Variants in DSE observed in about 807,000 individuals in gnomAD.
DSE encodes the protein dermatan-sulfate epimerase.
Under a neutral mutation model 84.4 loss-of-function variants are expected in DSE, and 36 were observed. The observed-to-expected ratio is 0.43, with a 90% CI of 0.33 to 0.56. The LOEUF is 0.56. Among genes scored for constraint, DSE ranks in the 20% least tolerant of loss-of-function variants. The probability of loss-of-function intolerance (pLI) is 0.06; values close to 1 mark genes in which losing one functional copy is unlikely to be tolerated. For missense variants in DSE, 862 were observed against 1,169.6 expected, an observed-to-expected ratio of 0.74 and a Z score of 3.84; for synonymous variants, 410 against 430.1, an observed-to-expected ratio of 0.95 and a Z score of 0.58.
intron 2 of DSE, among the ~76,000 whole-genome samples, chr6:116,361,704 T>C (rs1475839318): frequency 6.6e-6 from 1 of 152,148 alleles, no homozygotes; most frequent in East Asian, 1.9e-4. Context: ...CTCTGGCTGC[T>C]CTCCAAACTC....
intron 2 of DSE, among the ~76,000 whole-genome samples, chr6:116,292,728 A>G (rs1431798653): frequency 6.6e-6 from 1 of 152,208 alleles, no homozygotes; most frequent in Non-Finnish European, 1.5e-5. Context: ...TGGATAAATT[A>G]TGGCATGTTT....
chr6:116,303,620 G>C (rs1351752416), intron 2 of DSE, among the ~76,000 whole-genome samples: 1 of 152,132 alleles, frequency 6.6e-6, no homozygotes, highest in Non-Finnish European at 1.5e-5. Context: ...CAACAACTCA[G>C]GGCAGGAAAG....
chr6:116,424,146 A>G (rs1251775419), intron 2 of DSE, among the ~76,000 whole-genome samples: 4 of 152,220 alleles, frequency 2.6e-5, no homozygotes. Context: ...GACATGGTAC[A>G]ATGACACAAG....
rs777600484 is a variant in DSE at position 116,399,562 on chromosome 6, C to G, written c.312C>G (p.Asn104Lys). The change falls in exon 2 of 6, where the codon AAC becomes AAG. Residue 104 changes from asparagine to lysine, a missense_variant. Transcript: ENST00000644252. ...CCCGCTGGAATGAAATTTTTGGAAACAACTTGGGTGCCTTGGCAATGTTCT... is the reference window on the plus strand; with the variant it reads ...CCCGCTGGAATGAAATTTTTGGAAAGAACTTGGGTGCCTTGGCAATGTTCT... ...YSARWNEIFG[N>K]NLGALAMFCV... 6.2e-7 allele frequency: 1 copy of G among 1,614,232 alleles called. No individual in the cohort carries two copies. Among genetic ancestry groups the G allele is most frequent in the Non-Finnish European group, 8.5e-7 (1 of 1,180,048 alleles).
At chr6:116,326,717 G>T (rs1321943816) in intron 2 of DSE, among the ~76,000 whole-genome samples, 1 of 152,156 alleles carries the variant, frequency 6.6e-6, no homozygotes, top group East Asian at 1.9e-4. Context: ...GAGGTACAAA[G>T]CATGAATTTA....
chr6:116,292,389 G>A (rs1289662358), intron 2 of DSE, among the ~76,000 whole-genome samples: 1 of 152,276 alleles, frequency 6.6e-6, no homozygotes, highest in Non-Finnish European at 1.5e-5. Flanking sequence ...AAAAGTTTCC[G>A]AATTGGGCGG....
At chr6:116,359,118 T>G (rs568077497) in intron 2 of DSE, among the ~76,000 whole-genome samples, 1 of 152,188 alleles carries the variant, frequency 6.6e-6, no homozygotes, top group Non-Finnish European at 1.5e-5. Context: ...TTCTGAAACT[T>G]TAATATATAT....
At chr6:116,348,805 A>G (rs972950228) in intron 2 of DSE, among the ~76,000 whole-genome samples, 1 of 152,228 alleles carries the variant, frequency 6.6e-6, no homozygotes, top group Non-Finnish European at 1.5e-5. Flanking sequence ...ATAAAAAAGG[A>G]TGAGTTCATG....
intron 2 of DSE, among the ~76,000 whole-genome samples, chr6:116,295,172 C>G (rs1218190097): frequency 2.6e-5 from 4 of 152,062 alleles, no homozygotes; most frequent in Admixed American, 2.6e-4. Flanking sequence ...AGAAAGGACA[C>G]TTGTGCTAGG....
chr6:116,329,163 G>A (rs748335900), intron 2 of DSE, among the ~76,000 whole-genome samples: 2 of 152,144 alleles, frequency 1.3e-5, no homozygotes, highest in Admixed American at 6.6e-5. Flanking sequence ...TGCATTCTAT[G>A]TGGAAGTAAT....
chr6:116,283,771 C>T (rs1252755123), intron 2 of DSE, among the ~76,000 whole-genome samples: 1 of 152,016 alleles, frequency 6.6e-6, no homozygotes, highest in Non-Finnish European at 1.5e-5. Context: ...CTCGAATTCC[C>T]GACCTCAGGT....
chr6:116,371,987 C>G (rs1189241613), intron 1 of DSE, among the ~76,000 whole-genome samples: 2 of 152,208 alleles, frequency 1.3e-5, no homozygotes, highest in Admixed American at 6.5e-5. Flanking sequence ...TTAGGTCAGG[C>G]AATGACGCTT....
At chr6:116,256,793 T>C (rs75882975) in intron 1 of DSE, 8 of 152,224 alleles carry the variant, frequency 5.3e-5, no homozygotes, top group African/African-American at 1.9e-4. Context: ...GGATATATAA[T>C]AGTAGCTATG....
At chr6:116,348,435 CAAAA>C (rs111687814) in intron 2 of DSE, among the ~76,000 whole-genome samples, 2 of 141,876 alleles carry the variant, frequency 1.4e-5, no homozygotes, top group Admixed American at 1.4e-4. Context: ...TCAAAAAAAA[CAAAA>C]AAAAACAAAA....
At chr6:116,396,567 C>G (rs763839822) in intron 1 of DSE, among the ~76,000 whole-genome samples, 4 of 152,158 alleles carry the variant, frequency 2.6e-5, no homozygotes, top group African/African-American at 9.7e-5. Context: ...CTCCCTTGCA[C>G]GAATTCAAAG....
intron 2 of DSE, among the ~76,000 whole-genome samples, chr6:116,348,331 G>A (rs552876166): frequency 6.6e-6 from 1 of 151,974 alleles, no homozygotes; most frequent in Non-Finnish European, 1.5e-5. Flanking sequence ...GGAGGCTGAG[G>A]AAAGAGAATG....
At position 116,436,579 on chromosome 6, in the gene DSE, C is replaced by T. The variant is rs967946904; in HGVS notation, c.2111C>T (p.Thr704Ile). Residue 704 changes from threonine (T) to isoleucine (I), a missense_variant, in exon 6 of 6, where the codon ACA (threonine) becomes ATA (isoleucine). Thr to Ile is a moderately conservative substitution (Grantham distance 89). Around this residue, in one of 4 missense-constraint regions of DSE, gnomAD observed 315 missense variants for 348.1 expected, o/e 0.90. Transcript: ENST00000644252. ...ACATACCTGTGGACAGGTGAGGCCA[C>T]AGGACAGTCTGCCTTTGCACAGGTC... Reference protein sequence around the residue: ...YATYLWTGEATGQSAFAQVIA... With the variant: ...YATYLWTGEAIGQSAFAQVIA... 6.2e-7 allele frequency: 1 copy of T among 1,614,150 alleles called. No individual in the cohort carries two copies. Among genetic ancestry groups the T allele is most frequent in the African/African-American group, 1.3e-5 (1 of 75,022 alleles).
At chr6:116,429,080 G>T (rs1258789132) in intron 3 of DSE, among the ~76,000 whole-genome samples, 1 of 152,196 alleles carries the variant, frequency 6.6e-6, no homozygotes, top group African/African-American at 2.4e-5. Context: ...AGTCACATTG[G>T]TATCTGGTGG....
At chr6:116,413,529 C>A (rs1246373993) in intron 2 of DSE, among the ~76,000 whole-genome samples, 1 of 152,076 alleles carries the variant, frequency 6.6e-6, no homozygotes, top group Non-Finnish European at 1.5e-5. Flanking sequence ...CAGTACAGGC[C>A]TGTGATTAAT....
Sources: gnomAD v4.1 joint callset for allele counts (sites outside exome capture counted in the v4.1 genomes callset) on GRCh38, gnomAD v4.1.1 for gene constraint, gnomAD v4.1.1 regional missense constraint, MANE v1.5 for transcripts, NCBI Gene and HGNC (gene_info 2026-07-23, HGNC 2026-07-21) for gene names.